ASB16: variants seen among roughly 807,000 people sequenced by gnomAD.
The protein encoded by ASB16 is ankyrin repeat and SOCS box protein 16.
ASB16 carries 44 observed loss-of-function variants against 39.1 expected under a neutral mutation model. The observed-to-expected ratio is 1.13, with a 90% CI of 0.88 to 1.45. The LOEUF (loss-of-function observed/expected upper bound fraction) is 1.45. Among genes scored for constraint, ASB16 ranks in the 40% most tolerant of loss-of-function variants. The probability of loss-of-function intolerance (pLI) is 0.00; values close to 1 mark genes in which losing one functional copy is unlikely to be tolerated. For missense variants in ASB16, 698 were observed against 634.5 expected, an observed-to-expected ratio of 1.10 and a Z score of -1.07; for synonymous variants, 305 against 286.7, an observed-to-expected ratio of 1.06 and a Z score of -0.64.
Position 44,171,008 on chromosome 17 carries a change from C to T in ASB16, c.219C>T (p.Val73=), listed in dbSNP as rs1425839033. The change falls in exon 1 of 5, where the codon GTC becomes GTT. Residue 73 remains valine, a synonymous_variant. Transcript: ENST00000293414. ...QALFSGNLQQ[V]QALFQDEEAA... ...TCTTCTCCGGCAACCTGCAGCAGGT[C>T]CAAGCCCTGTTCCAAGATGAAGAGG... 7 of 1,614,010 alleles carry T rather than the reference C, an allele frequency of 4.3e-6. No homozygotes were observed. Among genetic ancestry groups the T allele is most frequent in the Middle Eastern group, 1.7e-4 (1 of 6,050 alleles).
chr17:44,176,803 C>T lies in ASB16; in HGVS notation c.635C>T (p.Thr212Met), dbSNP rs1356258476. ...VNLAAGESQETPLHVAAARGL... is the reference protein window; with the variant it reads ...VNLAAGESQEMPLHVAAARGL... Reference sequence around the variant, plus strand: ...CTGGCAGCAGGCGAGAGCCAGGAGACGCCCCTGCACGTGGCGGCGGCGCGC... The same window carrying T: ...CTGGCAGCAGGCGAGAGCCAGGAGATGCCCCTGCACGTGGCGGCGGCGCGC... The change falls in exon 3 of 5, where the codon ACG (threonine) becomes ATG (methionine). Residue 212 changes from threonine (T) to methionine (M), a missense_variant. Thr to Met is a moderately conservative substitution (Grantham distance 81, BLOSUM62 -1). Transcript: ENST00000293414. The T allele has an allele frequency of 8.7e-6, 14 of 1,612,996 alleles. No homozygotes were observed. The highest frequency in any genetic ancestry group is 1.7e-5 in the Admixed American group (1 of 59,992).
chr17:44,177,246 C>T lies in ASB16; in HGVS notation c.1062+16C>T, dbSNP rs1277011434. Reference sequence around the variant, plus strand: ...GCGCCCTGAGGTGCGCTGGGAGGCCCTGACATAGGAGGCTCCTGTGTGGGG... The same window carrying T: ...GCGCCCTGAGGTGCGCTGGGAGGCCTTGACATAGGAGGCTCCTGTGTGGGG... On this transcript the variant is annotated intron_variant, in intron 3 of 4. Coordinates refer to ENST00000293414, the MANE Select transcript of ASB16 (RefSeq NM_080863.5). The T allele has an allele frequency of 6.6e-7, 1 of 1,525,304 alleles. No homozygotes were observed. The highest frequency in any genetic ancestry group is 2.4e-5 in the East Asian group (1 of 40,956). 94.5% of individuals were successfully genotyped at this position (1,525,304 alleles called of 1,614,324 possible). A position where few individuals can be genotyped will look rare whatever the true frequency, so the allele number is the denominator to read the frequency against.
intron 2 of ASB16, among the ~76,000 whole-genome samples, chr17:44,174,763 C>A (rs936182749): frequency 1.3e-5 from 2 of 152,128 alleles, no homozygotes; most frequent in African/African-American, 4.8e-5. Context: ...ATGAGAATCC[C>A]CACTTACTGG....
At position 44,176,381 on chromosome 17, in the gene ASB16, C is replaced by CAACTGACAA. The variant is rs2054290268; in HGVS notation, c.570-356_570-348dup. 4.5e-5 allele frequency: 12 copies of CAACTGACAA among 265,182 alleles called. No individual in the cohort carries two copies. The South Asian group carries it at 5.1e-4, about 11-fold the overall frequency. 16.4% of individuals were successfully genotyped at this position (265,182 alleles called of 1,614,324 possible). On this transcript the variant is annotated intron_variant, in intron 2 of 4. Transcript: ENST00000293414. ...CCAAAAAAAAAAAAAAAAAAGGAGA[C>CAACTGACAA]AACTGACAACTGAATGATTCAGAAC...
At chr17:44,174,360 T>A (rs1052205522) in intron 2 of ASB16, among the ~76,000 whole-genome samples, 3 of 152,066 alleles carry the variant, frequency 2.0e-5, no homozygotes, top group African/African-American at 7.2e-5. Flanking sequence ...GGCTATTTTT[T>A]AAAAAGTATT....
At chr17:44,177,487 GAAGA>G (rs1018842746) in intron 3 of ASB16, 118 bp from the exon 4 acceptor site, 1 of 1,321,940 alleles carries the variant, frequency 7.6e-7, no homozygotes, top group Non-Finnish European at 1.0e-6. Context: ...ACAAAAAAGG[GAAGA>G]GAGACTCAGA....
At chr17:44,176,234 T>TGG in intron 2 of ASB16, 1 of 165,580 alleles carries the variant, frequency 6.0e-6, no homozygotes, top group Non-Finnish European at 1.3e-5. Flanking sequence ...GCTGCCCACC[T>TGG]GTGGTCCCAG....
intron 2 of ASB16, chr17:44,176,302 A>C (rs1368896880): frequency 4.9e-6 from 1 of 205,024 alleles, no homozygotes; most frequent in East Asian, 1.6e-4. Context: ...AGGCTACATG[A>C]GCTGTAATCA....
rs971252008 is a variant in ASB16, at chr17:44,170,720, A to G, written c.-70A>G. The G allele has an allele frequency of 4.7e-6, 7 of 1,497,058 alleles. No individual in the cohort carries two copies. Among genetic ancestry groups the G allele is most frequent in the Non-Finnish European group, 6.3e-6 (7 of 1,114,004 alleles). 92.7% of individuals were successfully genotyped at this position (1,497,058 alleles called of 1,614,324 possible). A position where few individuals can be genotyped will look rare whatever the true frequency, so the allele number is the denominator to read the frequency against. On this transcript the variant is annotated 5_prime_UTR_variant, in exon 1 of 5. Coordinates refer to ENST00000293414, the MANE Select transcript of ASB16 (RefSeq NM_080863.5). ...GGGGGCAGGGTGGCTCCTCAGAGCA[A>G]GGGAGGTAGTCGGGTCGAGGGAACC...
Position 44,172,242 on chromosome 17 carries a change from A to G in ASB16, c.498A>G (p.Gly166=). Reference sequence around the variant, plus strand: ...GTGTGCGGCTGCTGCTGACCTTCGGAGCCAAGGCTAATGTGCTGACTGAGG... The same window carrying G: ...GTGTGCGGCTGCTGCTGACCTTCGGGGCCAAGGCTAATGTGCTGACTGAGG... ...FDCVRLLLTF[G]AKANVLTEEG... Residue 166 remains glycine (G), a synonymous_variant, in exon 2 of 5, where the codon GGA becomes GGG. Coordinates refer to ENST00000293414, the MANE Select transcript of ASB16 (RefSeq NM_080863.5). The G allele has an allele frequency of 6.2e-7, 1 of 1,613,746 alleles. No homozygotes were observed. The highest frequency in any genetic ancestry group is 8.5e-7 in the Non-Finnish European group (1 of 1,180,036).
chr17:44,176,355 TCC>T (rs2054289242), intron 2 of ASB16: 1 of 160,924 alleles, frequency 6.2e-6, no homozygotes, highest in African/African-American at 1.3e-4. Context: ...AGACCCTGTC[TCC>T]AAAAAAAAAA....
rs1567729985 is a variant in ASB16 at position 44,171,101 on chromosome 17, C to A, written c.301+11C>A. The A allele has an allele frequency of 3.1e-6, 5 of 1,608,278 alleles. No homozygotes were observed. The highest frequency in any genetic ancestry group is 4.3e-6 in the Non-Finnish European group (5 of 1,176,458). On this transcript the variant is annotated intron_variant, in intron 1 of 4. Coordinates refer to ENST00000293414, the MANE Select transcript of ASB16 (RefSeq NM_080863.5). ...GGTCGGCTGAACAGGGTAGGGGGCA[C>A]CAGAAGAGGGCAGAAGAGGAGGGAG...
chr17:44,177,988 G>C (rs1476538285), intron 4 of ASB16, among the ~76,000 whole-genome samples: 1 of 152,148 alleles, frequency 6.6e-6, no homozygotes, highest in African/African-American at 2.4e-5. Context: ...AGGCTCTCTG[G>C]GGTGGGAGTG....
intron 1 of ASB16, among the ~76,000 whole-genome samples, chr17:44,171,827 G>C (rs1268816285): frequency 2.0e-5 from 3 of 152,146 alleles, no homozygotes; most frequent in Admixed American, 6.6e-5. Context: ...ACTATGTTTT[G>C]TTACAGATTG....
rs759040207 is a variant in ASB16, at chr17:44,170,914, C to CG, written c.126dup (p.Ser43ValfsTer9). 1.9e-6 allele frequency: 3 copies of CG among 1,612,558 alleles called. No homozygotes were observed. The highest frequency in any genetic ancestry group is 2.5e-6 in the Non-Finnish European group (3 of 1,179,790). Reference sequence around the variant, plus strand: ...CAGCAGTGCCGGAGCCGCAGGTGCCCGTCAAGTCCCCGGGCCCGACTCACT... The same window carrying CG: ...CAGCAGTGCCGGAGCCGCAGGTGCCCGGTCAAGTCCCCGGGCCCGACTCACT... On this transcript the variant is annotated frameshift_variant, in exon 1 of 5. Coordinates refer to ENST00000293414, the MANE Select transcript of ASB16 (RefSeq NM_080863.5). LOFTEE classifies it high-confidence loss of function.
In ASB16 at chr17:44,176,764, G is replaced by C. The variant is rs758357718; in HGVS notation, c.596G>C (p.Gly199Ala). 2.5e-6 allele frequency: 4 copies of C among 1,613,790 alleles called. No individual in the cohort carries two copies. In the South Asian group the frequency reaches 3.3e-5, roughly 13 times the overall value. ...TGCGCCAAGTTGCTGCTGGAAGCAG[G>C]AGCGACGGTGAACCTGGCAGCAGGC... The part of the protein sequence containing the change: ...LQCAKLLLEA[G>A]ATVNLAAGES... The change falls in exon 3 of 5, where the codon GGA (glycine) becomes GCA (alanine). Residue 199 changes from glycine (G) to alanine (A), a missense_variant. By Grantham distance (60) the Gly-to-Ala change is moderately conservative. Coordinates refer to ENST00000293414, the MANE Select transcript of ASB16 (RefSeq NM_080863.5).
chr17:44,173,508 CGTAA>C (rs2054260110), intron 2 of ASB16, among the ~76,000 whole-genome samples: 1 of 150,858 alleles, frequency 6.6e-6, no homozygotes, highest in African/African-American at 2.4e-5. Context: ...GTTTGGGCAA[CGTAA>C]GTGAGGTTTT....
chr17:44,177,704 G>A lies in ASB16; in HGVS notation c.1158G>A (p.Val386=), dbSNP rs369982324. 3.1e-6 allele frequency: 5 copies of A among 1,613,634 alleles called. No homozygotes were observed. Among genetic ancestry groups the A allele is most frequent in the Non-Finnish European group, 4.2e-6 (5 of 1,179,776 alleles). Residue 386 remains valine, a synonymous_variant, in exon 4 of 5, where the codon GTG becomes GTA. Coordinates refer to ENST00000293414, the MANE Select transcript of ASB16 (RefSeq NM_080863.5). The part of the protein sequence containing the change: ...VPSCETWVEA[V]LPELWKEHEA... Reference sequence around the variant, plus strand: ...CCTGTGAGACCTGGGTGGAGGCGGTGCTCCCAGAGCTGTGGAAGGTATGTT... The same window carrying A: ...CCTGTGAGACCTGGGTGGAGGCGGTACTCCCAGAGCTGTGGAAGGTATGTT...
intron 2 of ASB16, among the ~76,000 whole-genome samples, chr17:44,174,292 G>A (rs1462299624): frequency 3.3e-5 from 5 of 151,932 alleles, no homozygotes; most frequent in South Asian, 2.1e-4. Context: ...TGATCCACCC[G>A]CCTCGGCCTC....
Sources: allele counts gnomAD v4.1 joint callset (sites outside exome capture counted in the v4.1 genomes callset), GRCh38; gene constraint gnomAD v4.1.1; transcripts MANE v1.5; gene names NCBI Gene and HGNC (gene_info 2026-07-23, HGNC 2026-07-21).